The following ZBTB20 variants were observed in gnomAD, a reference collection of about 807,000 sequenced individuals.
ZBTB20 encodes the protein zinc finger and BTB domain-containing protein 20.
In ZBTB20, 9 loss-of-function variants were observed where a neutral mutation model predicts 56.9. The observed-to-expected ratio is 0.16, with a 90% CI of 0.10 to 0.28. ZBTB20 has a LOEUF of 0.28. Among genes scored for constraint, ZBTB20 ranks in the 10% least tolerant of loss-of-function variants. The probability of loss-of-function intolerance (pLI) is 1.00; values close to 1 mark genes in which losing one functional copy is unlikely to be tolerated. For synonymous variants in ZBTB20, 417 were observed against 420.7 expected (o/e 0.99, Z 0.11); for missense variants, 655 against 1,003.0 (o/e 0.65, Z 4.69).
At chr3:114,771,377 A>G (rs1002670602) in intron 5 of ZBTB20, among the ~76,000 whole-genome samples, 2 of 152,188 alleles carry the variant, frequency 1.3e-5, no homozygotes, top group Admixed American at 1.3e-4. Context: ...CTGACTTACA[A>G]ATTTATAAGC....
intron 5 of ZBTB20, among the ~76,000 whole-genome samples, chr3:114,750,746 T>C (rs1354387162): frequency 6.6e-6 from 1 of 152,192 alleles, no homozygotes; most frequent in Non-Finnish European, 1.5e-5. Flanking sequence ...ATTTTCCATA[T>C]GTAGCTACCA....
chr3:114,524,487 G>A (rs766394815), intron 6 of ZBTB20, among the ~76,000 whole-genome samples: 8 of 152,182 alleles, frequency 5.3e-5, no homozygotes, highest in African/African-American at 1.9e-4. Context: ...AGGGGCTAAC[G>A]TTTTCAAGGA....
intron 6 of ZBTB20, among the ~76,000 whole-genome samples, chr3:114,611,181 G>T (rs908035997): frequency 1.3e-5 from 2 of 152,110 alleles, no homozygotes; most frequent in Admixed American, 6.6e-5. Flanking sequence ...TTTTGGTGCT[G>T]ATTTGGTTGA....
intron 3 of ZBTB20, among the ~76,000 whole-genome samples, chr3:114,972,221 T>C (rs770638528): frequency 5.3e-5 from 8 of 152,224 alleles, no homozygotes; most frequent in Non-Finnish European, 8.8e-5. Context: ...GAACAGATCA[T>C]TAAAGTGAGT....
At chr3:114,609,628 T>G (rs2057408600) in intron 6 of ZBTB20, among the ~76,000 whole-genome samples, 1 of 152,194 alleles carries the variant, frequency 6.6e-6, no homozygotes, top group African/African-American at 2.4e-5. Flanking sequence ...TAACTGCTGC[T>G]AAAATAAGCA....
intron 1 of ZBTB20, among the ~76,000 whole-genome samples, chr3:115,112,487 T>A (rs2083906581): frequency 6.6e-6 from 1 of 152,152 alleles, no homozygotes; most frequent in African/African-American, 2.4e-5. Context: ...GCCTCTATTA[T>A]CTATCATTCT....
chr3:114,442,821 T>C (rs2091017927), intron 7 of ZBTB20, among the ~76,000 whole-genome samples: 1 of 152,158 alleles, frequency 6.6e-6, no homozygotes, highest in African/African-American at 2.4e-5. Flanking sequence ...GCTAAACCCA[T>C]ACATTTAATG....
intron 7 of ZBTB20, among the ~76,000 whole-genome samples, chr3:114,412,572 G>C (rs746593080): frequency 1.3e-5 from 2 of 152,102 alleles, no homozygotes; most frequent in Non-Finnish European, 2.9e-5. Flanking sequence ...CACTCATAAT[G>C]AGTCATTTAA....
At chr3:114,382,228 T>A (rs912704375) in intron 8 of ZBTB20, among the ~76,000 whole-genome samples, 7 of 152,200 alleles carry the variant, frequency 4.6e-5, no homozygotes, top group Admixed American at 3.3e-4. Context: ...CCATTCCAAT[T>A]TCACTGCAAT....
intron 6 of ZBTB20, chr3:114,527,223 G>A (rs2047328414): frequency 6.6e-6 from 1 of 152,132 alleles, no homozygotes; most frequent in Non-Finnish European, 1.5e-5. Context: ...TTACTGCAGT[G>A]GCCACTAGAT....
intron 3 of ZBTB20, among the ~76,000 whole-genome samples, chr3:114,924,444 G>C (rs2076077081): frequency 6.6e-6 from 1 of 152,138 alleles, no homozygotes; most frequent in Non-Finnish European, 1.5e-5. Context: ...ATTATACTAA[G>C]TAAAATAAGC....
chr3:114,767,154 C>A (rs2068844251), intron 5 of ZBTB20, among the ~76,000 whole-genome samples: 1 of 152,036 alleles, frequency 6.6e-6, no homozygotes, highest in Non-Finnish European at 1.5e-5. Flanking sequence ...ATTAATTAGT[C>A]TCTTTATTTT....
Position 114,350,395 on chromosome 3 carries a change from G to C in ZBTB20, c.1683C>G (p.Ala561=), listed in dbSNP as rs761705169. 3 of 1,614,184 alleles carry C rather than the reference G, an allele frequency of 1.9e-6. No individual in the cohort carries two copies. Among genetic ancestry groups the C allele is most frequent in the Non-Finnish European group, 2.5e-6 (3 of 1,180,048 alleles). The part of the protein sequence containing the change: ...TAQLPAPQPL[A]SSAGHSTASG... ...TGGCTGTGCTGTGGCCTGCGGATGA[G>C]GCCAGGGGCTGTGGCGCTGGCAGCT... The change falls in exon 11 of 12, where the codon GCC becomes GCG. Residue 561 remains alanine, a synonymous_variant. Transcript: ENST00000675478.
At chr3:114,896,302 A>G (rs1217366568) in intron 4 of ZBTB20, among the ~76,000 whole-genome samples, 1 of 152,150 alleles carries the variant, frequency 6.6e-6, no homozygotes, top group Non-Finnish European at 1.5e-5. Context: ...GTACACCTAT[A>G]TTCATAGCCA....
intron 5 of ZBTB20, among the ~76,000 whole-genome samples, chr3:114,707,977 A>G (rs1440483286): frequency 6.6e-6 from 1 of 152,204 alleles, no homozygotes; most frequent in East Asian, 1.9e-4. Flanking sequence ...CTCAGAAAGC[A>G]GGAATCATAT....
chr3:114,434,541 G>GGGGTGTGTGTGTGTGTTT (rs1553711977), intron 7 of ZBTB20, among the ~76,000 whole-genome samples: 9,159 of 85,406 alleles, frequency 0.11, 371 homozygotes, highest in Middle Eastern at 0.26. Context: ...CTGCAATTGG[G>GGGGTGTGTGTGTGTGTTT]GTGTGTGTGT....
chr3:114,630,755 G>A (rs1409510727), intron 6 of ZBTB20, among the ~76,000 whole-genome samples: 1 of 152,120 alleles, frequency 6.6e-6, no homozygotes, highest in Admixed American at 6.5e-5. Flanking sequence ...AGCTAGCAAA[G>A]AAAAAATATT....
At chr3:114,695,969 G>T (rs138565744) in intron 5 of ZBTB20, among the ~76,000 whole-genome samples, 257 of 151,894 alleles carry the variant, frequency 1.7e-3, no homozygotes, top group African/African-American at 5.9e-3. Context: ...ATCCTGTTAA[G>T]AAAATAAAGC....
intron 2 of ZBTB20, among the ~76,000 whole-genome samples, chr3:115,036,324 G>A (rs1032993097): frequency 1.3e-5 from 2 of 150,710 alleles, no homozygotes; most frequent in East Asian, 1.9e-4. Flanking sequence ...TTTCCGAGAC[G>A]GAGTCTCGCT....
Sources: gnomAD v4.1 joint callset for allele counts (sites outside exome capture counted in the v4.1 genomes callset) on GRCh38, gnomAD v4.1.1 for gene constraint, MANE v1.5 for transcripts, NCBI Gene and HGNC (gene_info 2026-07-23, HGNC 2026-07-21) for gene names.